L3MBTL3: variants seen among roughly 807,000 people sequenced by gnomAD.
The protein encoded by L3MBTL3 is lethal(3)malignant brain tumor-like protein 3.
In L3MBTL3, 27 loss-of-function variants were observed where a neutral mutation model predicts 102.3. The ratio of observed to expected loss-of-function variants is 0.26; its 90% CI spans 0.19 to 0.36. L3MBTL3 has a LOEUF of 0.36. Ranked by LOEUF, L3MBTL3 falls within the 10% of genes least tolerant of loss-of-function variation. L3MBTL3 has a pLI of 1.00. For missense variants in L3MBTL3, 798 were observed against 955.3 expected (o/e 0.84, Z 2.17); for synonymous variants, 340 against 320.9 (o/e 1.06, Z -0.64).
chr6:130,084,359 T>C (rs1360087877), intron 15 of L3MBTL3, among the ~76,000 whole-genome samples: 1 of 151,958 alleles, frequency 6.6e-6, no homozygotes, highest in Admixed American at 6.6e-5. Context: ...ATATATCAAA[T>C]ATTTATTTTT....
intron 16 of L3MBTL3, among the ~76,000 whole-genome samples, chr6:130,091,723 G>C (rs1314814219): frequency 6.6e-6 from 1 of 151,946 alleles, no homozygotes; most frequent in Admixed American, 6.6e-5. Context: ...GATGAACCTG[G>C]AGGACATTAT....
intron 19 of L3MBTL3, among the ~76,000 whole-genome samples, chr6:130,112,833 G>T (rs921568849): frequency 2.0e-5 from 3 of 152,148 alleles, no homozygotes; most frequent in African/African-American, 7.2e-5. Flanking sequence ...ATGTGAGTAC[G>T]TGGTCCTTAT....
intron 1 of L3MBTL3, among the ~76,000 whole-genome samples, chr6:130,019,860 G>T (rs1778831713): frequency 7.2e-6 from 1 of 139,636 alleles, no homozygotes; most frequent in Non-Finnish European, 1.6e-5. Context: ...CCGTCCGCGC[G>T]GGAGAGGGCG....
chr6:130,072,208 G>A (rs780176958), intron 13 of L3MBTL3, among the ~76,000 whole-genome samples: 18 of 151,806 alleles, frequency 1.2e-4, no homozygotes, highest in Non-Finnish European at 2.1e-4. Flanking sequence ...AATTATTTAC[G>A]TAGTATAACT....
chr6:130,036,939 C>T (rs1780103791), intron 2 of L3MBTL3, among the ~76,000 whole-genome samples: 1 of 152,114 alleles, frequency 6.6e-6, no homozygotes, highest in African/African-American at 2.4e-5. Flanking sequence ...AACAGTCTGA[C>T]CTGGGTTCAA....
chr6:130,120,884 A>C lies in L3MBTL3; in HGVS notation c.1892A>C (p.Gln631Pro). The C allele has an allele frequency of 6.2e-7, 1 of 1,610,138 alleles. No individual in the cohort carries two copies. Among genetic ancestry groups the C allele is most frequent in the Non-Finnish European group, 8.5e-7 (1 of 1,177,582 alleles). Residue 631 changes from glutamine to proline, a missense_variant, in exon 20 of 23, where the codon CAG becomes CCG. Gln to Pro is a moderately conservative substitution (Grantham distance 76, BLOSUM62 -1). Around this residue, in one of 4 missense-constraint regions of L3MBTL3, gnomAD observed 306 missense variants for 314.4 expected, o/e 0.97. Transcript: ENST00000361794. The part of the protein sequence containing the change: ...ESSSSPEIRD[Q>P]HADDVKEDFE... ...GAAATGCCTGTTTTTCTTAGAGACCAGCATGCTGATGATGTCAAAGAAGAC... is the reference window on the plus strand; with the variant it reads ...GAAATGCCTGTTTTTCTTAGAGACCCGCATGCTGATGATGTCAAAGAAGAC...
chr6:130,051,601 A>C (rs1027497872), intron 6 of L3MBTL3, among the ~76,000 whole-genome samples, 193 bp downstream of exon 6: 1 of 152,124 alleles, frequency 6.6e-6, no homozygotes, highest in African/African-American at 2.4e-5. Context: ...GCCTGGTCTG[A>C]GTTGTATTAC....
chr6:130,125,291 C>A (rs1222985027), intron 20 of L3MBTL3, among the ~76,000 whole-genome samples: 1 of 152,212 alleles, frequency 6.6e-6, no homozygotes, highest in Non-Finnish European at 1.5e-5. Context: ...CTGCCTTTAA[C>A]ATGAATTTTA....
At chr6:130,059,183 GC>G (rs1028021155) in intron 9 of L3MBTL3, among the ~76,000 whole-genome samples, 3 of 151,894 alleles carry the variant, frequency 2.0e-5, no homozygotes, top group Non-Finnish European at 4.4e-5. Context: ...TTATAGCCCT[GC>G]CCCCCCAGGC....
chr6:130,062,307 C>A (rs1280080398), intron 10 of L3MBTL3, among the ~76,000 whole-genome samples: 1 of 152,048 alleles, frequency 6.6e-6, no homozygotes, highest in Admixed American at 6.6e-5. Flanking sequence ...GTGTGCCTTC[C>A]AGATGTTTTC....
rs538800906 is a variant in L3MBTL3 at position 130,092,734 on chromosome 6, G to A, written c.1519-11G>A. 12 of 1,548,264 alleles carry A rather than the reference G, an allele frequency of 7.8e-6. No individual in the cohort carries two copies. The highest frequency in any genetic ancestry group is 1.4e-5 in the African/African-American group (1 of 73,606). ...CTTAATTTGTACTGTTAATGTCCTT[G>A]TGTCATCCAGGTTCACTTTGATGGC... is the stretch of plus-strand genomic sequence containing the variant. On this transcript the variant is annotated splice_polypyrimidine_tract_variant and intron_variant, in intron 16 of 22. Transcript: ENST00000361794.
At chr6:130,102,787 AG>A (rs951263009) in intron 18 of L3MBTL3, among the ~76,000 whole-genome samples, 171 of 152,320 alleles carry the variant, frequency 1.1e-3, no homozygotes, top group African/African-American at 3.9e-3. Flanking sequence ...TTCTCCAAGG[AG>A]GACCTTCCTC....
intron 5 of L3MBTL3, 46 bp downstream of exon 5, chr6:130,049,876 CT>C (rs1161973354): frequency 2.0e-5 from 31 of 1,569,100 alleles, no homozygotes; most frequent in Non-Finnish European, 2.7e-5. Flanking sequence ...TTTTCTATTT[CT>C]TTCTCCCCTC....
Position 130,094,256 on chromosome 6 carries a change from C to G in L3MBTL3, c.1634-9C>G. The G allele has an allele frequency of 6.2e-7, 1 of 1,603,862 alleles. No individual in the cohort carries two copies. The highest frequency in any genetic ancestry group is 1.3e-5 in the African/African-American group (1 of 74,510). On this transcript the variant is annotated splice_polypyrimidine_tract_variant and intron_variant, in intron 17 of 22. Coordinates refer to ENST00000361794, the MANE Select transcript of L3MBTL3 (RefSeq NM_032438.4). ...TTGCCCCTTCTTTCTTTTCTTTGCT[C>G]TTTCATAGGCCCCTTAGAATTAATG... is the stretch of plus-strand genomic sequence containing the variant.
chr6:130,095,821 C>T (rs919576716), intron 18 of L3MBTL3, among the ~76,000 whole-genome samples: 4 of 152,082 alleles, frequency 2.6e-5, no homozygotes, highest in East Asian at 3.8e-4. Flanking sequence ...TTATAACAAC[C>T]GCTCCCATGA....
chr6:130,020,149 C>A (rs919264606), intron 1 of L3MBTL3, among the ~76,000 whole-genome samples: 1 of 150,798 alleles, frequency 6.6e-6, no homozygotes, highest in African/African-American at 2.4e-5. Context: ...GCCCGCCTCG[C>A]GCCGCGTGTG....
chr6:130,106,236 C>T (rs1044612749), intron 19 of L3MBTL3, among the ~76,000 whole-genome samples: 1 of 152,090 alleles, frequency 6.6e-6, no homozygotes, highest in Non-Finnish European at 1.5e-5. Flanking sequence ...GAAATAATGT[C>T]TGTGCAAGTA....
chr6:130,094,926 T>C (rs1345420418), intron 18 of L3MBTL3, among the ~76,000 whole-genome samples: 1 of 152,150 alleles, frequency 6.6e-6, no homozygotes, highest in East Asian at 1.9e-4. Context: ...TTAGGGATCT[T>C]TGTAGAGAGT....
rs532550322 is a variant in L3MBTL3, at chr6:130,029,558, ATTGACC to A, written c.-16+7256_-16+7261del. 1.8e-3 allele frequency among the ~76,000 whole-genome samples: 279 copies of A among 152,188 alleles called. 11 individuals are homozygous for A. The highest frequency in any genetic ancestry group is 0.017 in the Admixed American group (263 of 15,298). On this transcript the variant is annotated intron_variant, in intron 2 of 22. Coordinates refer to ENST00000361794, the MANE Select transcript of L3MBTL3 (RefSeq NM_032438.4). ...TAAGAACTTGGCAAAACTAACAGCT[ATTGACC>A]TTACATCGGTCTCCCAAATTCACTT...
Sources: allele counts gnomAD v4.1 joint callset (sites outside exome capture counted in the v4.1 genomes callset), GRCh38; gene constraint gnomAD v4.1.1; regional missense constraint gnomAD v4.1.1; transcripts MANE v1.5; gene names NCBI Gene and HGNC (gene_info 2026-07-23, HGNC 2026-07-21).